RBM27: variants seen among roughly 807,000 people sequenced by gnomAD.
RBM27 encodes RNA-binding protein 27.
A neutral mutation model predicts 135.3 loss-of-function variants in RBM27; 22 were observed. The ratio of observed to expected loss-of-function variants is 0.16; its 90% CI spans 0.12 to 0.23. The LOEUF (loss-of-function observed/expected upper bound fraction) is 0.23, where lower values mean the gene tolerates loss of function less well. RBM27 is among the 10% of genes least tolerant of loss of function. The pLI, the probability that RBM27 is intolerant of heterozygous loss-of-function variation, is 1.00. For synonymous variants in RBM27, 481 were observed against 442.4 expected (o/e 1.09, Z -1.10); for missense variants, 1,009 against 1,281.0 (o/e 0.79, Z 3.24).
chr5:146,282,932 GTTC>G (rs1759423197), intron 19 of RBM27, among the ~76,000 whole-genome samples: 1 of 152,090 alleles, frequency 6.6e-6, no homozygotes. Context: ...GAAATTATTT[GTTC>G]TTAATTTCAG....
intron 4 of RBM27, 48 bp downstream of exon 4, chr5:146,229,085 GT>G: frequency 1.3e-6 from 2 of 1,481,674 alleles, no homozygotes; most frequent in Non-Finnish European, 1.9e-6. Context: ...TCACTTTTTA[GT>G]TGCCTTGCAA....
intron 7 of RBM27, among the ~76,000 whole-genome samples, chr5:146,234,301 T>C (rs1487767161): frequency 9.2e-5 from 14 of 152,192 alleles, no homozygotes; most frequent in Non-Finnish European, 2.9e-5. Context: ...ACAGACATTT[T>C]TAGAAGTAGA....
rs985570193 is a variant in RBM27 at position 146,288,607 on chromosome 5, A to G, written c.*2577A>G. ...CCATACATGTTTTCTTGGCATCTTC[A>G]TTTACAGAAATAACATACAGCATCT... is the stretch of plus-strand genomic sequence containing the variant. On this transcript the variant is annotated 3_prime_UTR_variant, in exon 21 of 21. Transcript: ENST00000265271. 1 of 152,054 alleles carries G rather than the reference A, an allele frequency of 6.6e-6. No individual in the cohort carries two copies. Among genetic ancestry groups the G allele is most frequent in the Non-Finnish European group, 1.5e-5 (1 of 67,952 alleles). 9.4% of individuals were successfully genotyped at this position (152,054 alleles called of 1,614,324 possible).
chr5:146,229,548 T>C (rs1756835960), intron 4 of RBM27, among the ~76,000 whole-genome samples, 169 bp from the exon 5 acceptor site: 1 of 151,778 alleles, frequency 6.6e-6, no homozygotes, highest in Non-Finnish European at 1.5e-5. Context: ...AGGAGGGATG[T>C]TTTTTCTCTG....
chr5:146,269,709 T>C (rs1758778868), intron 17 of RBM27, 125 bp downstream of exon 17: 1 of 408,812 alleles, frequency 2.4e-6, no homozygotes, highest in African/African-American at 2.1e-5. Flanking sequence ...CAAACAATTA[T>C]AGTACTTAAA....
intron 15 of RBM27, among the ~76,000 whole-genome samples, chr5:146,268,050 A>T (rs538752508): frequency 6.6e-5 from 10 of 152,192 alleles, no homozygotes; most frequent in African/African-American, 2.4e-4. Context: ...CATATAAAAT[A>T]TAAGACTTTT....
intron 15 of RBM27, 54 bp from the exon 16 acceptor site, chr5:146,269,153 T>C: frequency 7.4e-7 from 1 of 1,350,526 alleles, no homozygotes; most frequent in Non-Finnish European, 1.0e-6. Context: ...AAAAATGAGT[T>C]GAGAATGGTG....
At position 146,267,672 on chromosome 5, in the gene RBM27, A is replaced by G. The variant is rs771614693; in HGVS notation, c.2355A>G (p.Pro785=). The part of the protein sequence containing the change: ...DCQIFSTPGH[P]KMIYSSSNLK... ...AGATATTTTCAACTCCAGGCCATCC[A>G]AAAATGATTTACAGCTCCTCAAACT... Residue 785 remains proline, a synonymous_variant, in exon 15 of 21, where the codon CCA becomes CCG. Transcript: ENST00000265271. 3 of 1,591,458 alleles carry G rather than the reference A, an allele frequency of 1.9e-6. No homozygotes were observed. The highest frequency in any genetic ancestry group is 2.6e-6 in the Non-Finnish European group (3 of 1,164,240).
chr5:146,261,515 T>C lies in RBM27; in HGVS notation c.1899T>C (p.Ala633=), dbSNP rs1273912020. The C allele has an allele frequency of 6.2e-7, 1 of 1,613,610 alleles. No homozygotes were observed. Residue 633 remains alanine, a synonymous_variant, in exon 13 of 21, where the codon GCT becomes GCC. Coordinates refer to ENST00000265271, the MANE Select transcript of RBM27 (RefSeq NM_018989.2). ...ATTGTTTTATTTTCTTCAAGGTTGC[T>C]TTTAAGGGTGACCCAGAAGCAGCCC... ...KFGTIVNIQV[A]FKGDPEAALI...
At chr5:146,251,615 C>G (rs1215840870) in intron 8 of RBM27, 96 bp from the exon 9 acceptor site, 16 of 1,204,012 alleles carry the variant, frequency 1.3e-5, no homozygotes, top group East Asian at 4.7e-5. Flanking sequence ...GGTTTAATTT[C>G]TCTGTTTTTG....
chr5:146,240,914 G>A (rs1329113809), intron 8 of RBM27, among the ~76,000 whole-genome samples: 2 of 152,150 alleles, frequency 1.3e-5, no homozygotes, highest in Non-Finnish European at 1.5e-5. Context: ...AAAGAGGACA[G>A]TATATGGAAC....
chr5:146,228,058 T>C (rs1171648992), intron 3 of RBM27, among the ~76,000 whole-genome samples: 1 of 152,180 alleles, frequency 6.6e-6, no homozygotes, highest in Non-Finnish European at 1.5e-5. Flanking sequence ...AAGAATGAAT[T>C]GTTTATACTT....
In RBM27 at chr5:146,228,962, C is replaced by T. The variant is rs1439571250; in HGVS notation, c.320C>T (p.Ala107Val). Residue 107 changes from alanine (A) to valine (V), a missense_variant, in exon 4 of 21, where the codon GCA (alanine) becomes GTA (valine). Ala to Val is a moderately conservative substitution (Grantham distance 64). This residue lies in a region of RBM27 where 268 missense variants were observed against 326.6 expected (regional missense o/e 0.82). Coordinates refer to ENST00000265271, the MANE Select transcript of RBM27 (RefSeq NM_018989.2). ...EIKEEVFQEP[A>V]EEERDGRKKK... ...TTCATATAGGTATTTCAGGAGCCAG[C>T]AGAGGAAGAACGAGATGGCAGAAAA... is the stretch of plus-strand genomic sequence containing the variant. 3 of 1,613,124 alleles carry T rather than the reference C, an allele frequency of 1.9e-6. No homozygotes were observed. Among genetic ancestry groups the T allele is most frequent in the South Asian group, 1.1e-5 (1 of 91,056 alleles).
Position 146,263,565 on chromosome 5 carries a change from A to T in RBM27, c.2265A>T (p.Ala755=). ...CTGTTAAACATCGTCTTGGACATGCAGGTGGTAACCAGAGTGATGCATCAC... is the reference window on the plus strand; with the variant it reads ...CTGTTAAACATCGTCTTGGACATGCTGGTGGTAACCAGAGTGATGCATCAC... The part of the protein sequence containing the change: ...KVPVKHRLGH[A]GGNQSDASHL... The change falls in exon 14 of 21, where the codon GCA becomes GCT. Residue 755 remains alanine (A), a synonymous_variant. Transcript: ENST00000265271. The T allele has an allele frequency of 6.2e-7, 1 of 1,614,162 alleles. No homozygotes were observed. Among genetic ancestry groups the T allele is most frequent in the South Asian group, 1.1e-5 (1 of 91,076 alleles).
intron 8 of RBM27, among the ~76,000 whole-genome samples, chr5:146,238,101 G>A (rs1321545397): frequency 1.3e-5 from 2 of 152,072 alleles, no homozygotes; most frequent in East Asian, 1.9e-4. Context: ...ACAAAAGAGC[G>A]GGTTAATTAT....
At chr5:146,276,638 G>A (rs1445988834) in intron 19 of RBM27, among the ~76,000 whole-genome samples, 3 of 152,182 alleles carry the variant, frequency 2.0e-5, no homozygotes, top group Admixed American at 1.3e-4. Flanking sequence ...ATACTTTATA[G>A]TTAGGCAGAT....
At chr5:146,219,618 T>C (rs978406860) in intron 2 of RBM27, among the ~76,000 whole-genome samples, 2 of 152,172 alleles carry the variant, frequency 1.3e-5, no homozygotes, top group Non-Finnish European at 2.9e-5. Context: ...TCTCCTATCA[T>C]TGCCCCTCAC....
rs545963169 is a variant in RBM27, at chr5:146,217,464, GTTTTTTTTTTTT to G, written c.60-1505_60-1494del. 5.1e-3 allele frequency among the ~76,000 whole-genome samples: 359 copies of G among 70,780 alleles called. 3 individuals are homozygous for G. The highest frequency in any genetic ancestry group is 0.019 in the African/African-American group (307 of 16,504). The allele number at this position is 70,780 out of a possible 152,430, so 46.4% of individuals were successfully genotyped here. On this transcript the variant is annotated intron_variant, in intron 1 of 20. Transcript: ENST00000265271. ...GATTGATACTCTTGAGCTGAAGCCT[GTTTTTTTTTTTT>G]TTTTTTTTTTTTTTTGGAGACAAGG...
intron 19 of RBM27, among the ~76,000 whole-genome samples, chr5:146,272,153 A>G (rs896574588): frequency 2.0e-5 from 3 of 152,232 alleles, no homozygotes; most frequent in Admixed American, 2.0e-4. Context: ...CCACTCATTC[A>G]TTCAGTAAAT....
Sources: gnomAD v4.1 joint callset for allele counts (sites outside exome capture counted in the v4.1 genomes callset) on GRCh38, gnomAD v4.1.1 for gene constraint, gnomAD v4.1.1 regional missense constraint, MANE v1.5 for transcripts, NCBI Gene and HGNC (gene_info 2026-07-23, HGNC 2026-07-21) for gene names.